DAGLB: variants seen among roughly 807,000 people sequenced by gnomAD.
DAGLB encodes the protein diacylglycerol lipase-beta.
Under a neutral mutation model 72.1 loss-of-function variants are expected in DAGLB, and 66 were observed. The observed-to-expected ratio is 0.92, with a 90% confidence interval of 0.75 to 1.12. The LOEUF (loss-of-function observed/expected upper bound fraction) is 1.12, where lower values mean the gene tolerates loss of function less well. Among genes scored for constraint, DAGLB ranks in the 50% most tolerant of loss-of-function variants. DAGLB has a pLI of 0.00. For missense variants in DAGLB, 1,065 were observed against 884.9 expected, an observed-to-expected ratio of 1.20 and a Z score of -2.58; for synonymous variants, 414 against 359.5, an observed-to-expected ratio of 1.15 and a Z score of -1.71.
chr7:6,431,202 C>T (rs1435603835), intron 5 of DAGLB, among the ~76,000 whole-genome samples: 1 of 151,934 alleles, frequency 6.6e-6, no homozygotes, highest in African/African-American at 2.4e-5. Flanking sequence ...GAAACTAGTA[C>T]ATTTCCATGC....
At chr7:6,410,072 C>A in intron 14 of DAGLB, 37 bp from the exon 15 acceptor site, 1 of 1,596,644 alleles carries the variant, frequency 6.3e-7, no homozygotes. Context: ...CCACGCGGCC[C>A]CAGGGCTGAC....
At position 6,436,372 on chromosome 7, in the gene DAGLB, C is replaced by T. The variant is rs1317244525; in HGVS notation, c.409G>A (p.Val137Ile). 25 of 1,608,506 alleles carry T rather than the reference C, an allele frequency of 1.6e-5. No individual in the cohort carries two copies. Among genetic ancestry groups the T allele is most frequent in the South Asian group, 3.3e-5 (3 of 90,152 alleles). Residue 137 changes from valine (V) to isoleucine (I), a missense_variant, in exon 3 of 15, where the codon GTC becomes ATC. By Grantham distance (29) the Val-to-Ile change is conservative. Transcript: ENST00000297056. ...RTVVNGIIATVVVSWIIIAAT... is the reference protein window; with the variant it reads ...RTVVNGIIATIVVSWIIIAAT... Reference sequence around the variant, plus strand: ...GAAGGGAGATGTCACCTGACCACGACGGTTGCGATGATGCCGTTTACAACT... The same window carrying T: ...GAAGGGAGATGTCACCTGACCACGATGGTTGCGATGATGCCGTTTACAACT...
At chr7:6,442,222 G>C (rs973244431) in intron 2 of DAGLB, among the ~76,000 whole-genome samples, 10 of 152,072 alleles carry the variant, frequency 6.6e-5, no homozygotes, top group Non-Finnish European at 7.4e-5. Flanking sequence ...TGTGGGATGG[G>C]GGCAAAACAA....
chr7:6,412,779 C>T (rs370931559), intron 13 of DAGLB, 32 bp downstream of exon 13: 2 of 1,561,596 alleles, frequency 1.3e-6, no homozygotes, highest in Non-Finnish European at 1.7e-6. Context: ...GCCCCGTGTC[C>T]TGCTGACCCT....
At position 6,416,656 on chromosome 7, in the gene DAGLB, G is replaced by T; in HGVS notation, c.1398C>A (p.Tyr466Ter). The T allele has an allele frequency of 3.1e-6, 5 of 1,613,272 alleles. No homozygotes were observed. Among genetic ancestry groups the T allele is most frequent in the Non-Finnish European group, 4.2e-6 (5 of 1,179,654 alleles). Residue 466 changes from tyrosine to a stop codon, truncating the protein, a stop_gained, in exon 11 of 15, where the codon TAC (tyrosine) becomes TAA (stop). Coordinates refer to ENST00000297056, the MANE Select transcript of DAGLB (RefSeq NM_139179.4). LOFTEE classifies it high-confidence loss of function. ...ACAGCCCCCGGGGTGGGGAGAAGGC[G>T]TAGCACCTGACCTGCGGGTAGGCGG... ...LRAAYPQVRC[Y>*]AFSPPRGLWS... is the part of the protein sequence containing the mutation.
Position 6,424,824 on chromosome 7 carries a change from C to A in DAGLB, c.1068G>T (p.Leu356=). ...TGTGATCCAGAGCCACTAAAAACGG[C>A]AGCTCGTAAACCTGCAGGAGCAAGA... ...HVSFHDKVYE[L]PFLVALDHRK... Residue 356 remains leucine (L), a synonymous_variant, in exon 8 of 15, where the codon CTG becomes CTT. Transcript: ENST00000297056. 6.2e-7 allele frequency: 1 copy of A among 1,613,742 alleles called. No individual in the cohort carries two copies. Among genetic ancestry groups the A allele is most frequent in the South Asian group, 1.1e-5 (1 of 91,084 alleles).
intron 10 of DAGLB, 34 bp downstream of exon 10, chr7:6,416,807 A>G: frequency 6.2e-7 from 1 of 1,614,214 alleles, no homozygotes; most frequent in African/African-American, 1.3e-5. Context: ...AGCTCCAAAG[A>G]GGACAAGGAA....
At chr7:6,442,352 T>C (rs2115297431) in intron 2 of DAGLB, among the ~76,000 whole-genome samples, 1 of 151,892 alleles carries the variant, frequency 6.6e-6, no homozygotes, top group East Asian at 1.9e-4. Context: ...TACGAGTGTC[T>C]AGGAAGAGGG....
intron 11 of DAGLB, chr7:6,416,389 C>G: frequency 4.8e-6 from 2 of 418,118 alleles, no homozygotes; most frequent in Non-Finnish European, 8.1e-6. Flanking sequence ...ACTAAAAATA[C>G]AAAAATTAGC....
chr7:6,432,690 G>C, intron 5 of DAGLB, 147 bp downstream of exon 5: 1 of 990,934 alleles, frequency 1.0e-6, no homozygotes, highest in Non-Finnish European at 1.4e-6. Context: ...TGGGAGAGGG[G>C]AGGGAAGGGG....
intron 2 of DAGLB, among the ~76,000 whole-genome samples, chr7:6,437,777 T>C (rs1403421414): frequency 2.0e-5 from 3 of 152,078 alleles, no homozygotes; most frequent in Admixed American, 6.6e-5. Context: ...GCCTCCCTAG[T>C]AGCTGGGATT....
At chr7:6,446,191 G>A (rs954737480) in intron 1 of DAGLB, 87 bp from the exon 2 acceptor site, 2 of 1,404,644 alleles carry the variant, frequency 1.4e-6, no homozygotes, top group Non-Finnish European at 1.9e-6. Flanking sequence ...AAAGGGGACA[G>A]GGCGCGGTGG....
chr7:6,414,470 G>A (rs188573329), intron 11 of DAGLB, among the ~76,000 whole-genome samples: 159 of 151,768 alleles, frequency 1.0e-3, no homozygotes, highest in African/African-American at 3.7e-3. Flanking sequence ...ACGTCACCAC[G>A]TCCAGCTAAT....
At chr7:6,439,789 T>C (rs1784768731) in intron 2 of DAGLB, among the ~76,000 whole-genome samples, 1 of 151,124 alleles carries the variant, frequency 6.6e-6, no homozygotes, top group Non-Finnish European at 1.5e-5. Flanking sequence ...CGGTGGCTCA[T>C]ACCTATAATC....
chr7:6,420,185 T>G (rs959338810), intron 9 of DAGLB, among the ~76,000 whole-genome samples: 2 of 151,928 alleles, frequency 1.3e-5, no homozygotes, highest in Non-Finnish European at 2.9e-5. Flanking sequence ...CTTATGCCTG[T>G]AATCCTAGCA....
rs201260643 is a variant in DAGLB at position 6,410,305 on chromosome 7, C to T, written c.1645G>A (p.Gly549Arg). Residue 549 changes from glycine (G) to arginine (R), a missense_variant, in exon 14 of 15, where the codon GGG becomes AGG. Coordinates refer to ENST00000297056, the MANE Select transcript of DAGLB (RefSeq NM_139179.4). ...NPNNLPTELD[G>R]GDQEVLTQPL... ...TGTGTCAGGACTTCCTGGTCGCCCC[C>T]GTCCAGCTCCGTGGGCAAGTTGTTG... is the stretch of plus-strand genomic sequence containing the variant. The T allele has an allele frequency of 3.1e-5, 50 of 1,614,046 alleles. No homozygotes were observed. In the Middle Eastern group the frequency reaches 9.9e-4, roughly 32 times the overall value.
In DAGLB at chr7:6,447,912, T is replaced by C. The variant is rs1002470254; in HGVS notation, c.-70A>G. 4.2e-4 allele frequency: 624 copies of C among 1,484,870 alleles called. 2 individuals carry two copies. Among genetic ancestry groups the C allele is most frequent in the Non-Finnish European group, 5.5e-4 (612 of 1,119,920 alleles). The allele number at this position is 1,484,870 out of a possible 1,614,324, so 92.0% of individuals were successfully genotyped here. ...GTTCACCGAGAACAAACCAGCACCC[T>C]CCGGACGCCGCCACCAAATTATCGG... On this transcript the variant is annotated 5_prime_UTR_variant, in exon 1 of 15. Transcript: ENST00000297056.
intron 11 of DAGLB, among the ~76,000 whole-genome samples, chr7:6,415,286 A>G (rs528756940): frequency 9.9e-5 from 15 of 152,154 alleles, no homozygotes; most frequent in African/African-American, 3.6e-4. Context: ...TTATTGAGGG[A>G]AAGATTTAAG....
chr7:6,429,819 C>T lies in DAGLB; in HGVS notation c.929+661G>A, dbSNP rs536059558. ...CAGCACTTTGGGAGGCCGAGGCAGA[C>T]GGATCACGAGGTCAGGAGATCGAGA... On this transcript the variant is annotated intron_variant, in intron 6 of 14. Coordinates refer to ENST00000297056, the MANE Select transcript of DAGLB (RefSeq NM_139179.4). Among the ~76,000 whole-genome samples, 13 of 151,842 alleles carry T rather than the reference C, an allele frequency of 8.6e-5. 1 individual carries two copies. The South Asian group carries it at 2.7e-3, about 32-fold the overall frequency.
Sources: allele counts gnomAD v4.1 joint callset (sites outside exome capture counted in the v4.1 genomes callset), GRCh38; gene constraint gnomAD v4.1.1; transcripts MANE v1.5; gene names NCBI Gene and HGNC (gene_info 2026-07-23, HGNC 2026-07-21).